Variants in DSCAML1 observed in about 807,000 individuals in gnomAD.
DSCAML1 encodes cell adhesion molecule DSCAML1.
DSCAML1 carries 38 observed loss-of-function variants against 200.5 expected under a neutral mutation model. The observed-to-expected ratio is 0.19, with a 90% CI of 0.15 to 0.25. The LOEUF is 0.25. Among genes scored for constraint, DSCAML1 ranks in the 10% least tolerant of loss-of-function variants. The probability of loss-of-function intolerance (pLI) is 1.00; values close to 1 mark genes in which losing one functional copy is unlikely to be tolerated. For synonymous variants in DSCAML1, 1,215 were observed against 1,165.0 expected (o/e 1.04, Z -0.87); for missense variants, 2,223 against 2,858.8 (o/e 0.78, Z 5.07).
chr11:117,525,423 T>A (rs995936219), intron 4 of DSCAML1, among the ~76,000 whole-genome samples: 1 of 150,736 alleles, frequency 6.6e-6, no homozygotes, highest in South Asian at 2.1e-4. Context: ...GGAGAGGGTG[T>A]GCATGAGAAC....
At chr11:117,453,573 A>G (rs2048320114) in intron 19 of DSCAML1, among the ~76,000 whole-genome samples, 1 of 152,028 alleles carries the variant, frequency 6.6e-6, no homozygotes, top group African/African-American at 2.4e-5. Context: ...CAAATACATC[A>G]TTGTCCTTTT....
In DSCAML1 at chr11:117,434,674, C is replaced by T. The variant is rs116071805; in HGVS notation, c.4876+970G>A. 7.4e-3 allele frequency among the ~76,000 whole-genome samples: 1,130 copies of T among 152,288 alleles called. 6 individuals carry two copies. Among genetic ancestry groups the T allele is most frequent in the African/African-American group, 0.026 (1,089 of 41,544 alleles). ...CCTTACACCCAGCCATCTATTCAGC[C>T]ATCCAGCCATCCTTCTATCTATACA... On this transcript the variant is annotated intron_variant, in intron 27 of 32. Coordinates refer to ENST00000651296, the MANE Select transcript of DSCAML1 (RefSeq NM_020693.4).
At chr11:117,645,289 A>G (rs2052499860) in intron 3 of DSCAML1, among the ~76,000 whole-genome samples, 1 of 152,128 alleles carries the variant, frequency 6.6e-6, no homozygotes, top group Non-Finnish European at 1.5e-5. Flanking sequence ...CTCCCACCCC[A>G]GCTTCTCCTC....
At chr11:117,433,510 T>G in intron 27 of DSCAML1, 39 bp from the exon 28 acceptor site, 1 of 1,606,030 alleles carries the variant, frequency 6.2e-7, no homozygotes. Flanking sequence ...TGGGTGAGAA[T>G]GAAGTTTGAA....
At chr11:117,519,855 A>C (rs2137313527) in intron 6 of DSCAML1, among the ~76,000 whole-genome samples, 1 of 152,260 alleles carries the variant, frequency 6.6e-6, no homozygotes, top group East Asian at 1.9e-4. Flanking sequence ...AAAGGAAGAC[A>C]AATGTTTGTC....
At chr11:117,671,811 T>C (rs1033203437) in intron 3 of DSCAML1, among the ~76,000 whole-genome samples, 2 of 152,082 alleles carry the variant, frequency 1.3e-5, no homozygotes, top group Non-Finnish European at 2.9e-5. Context: ...TGCAGGTGTT[T>C]AGGGTAAAAG....
At chr11:117,773,181 G>A (rs953572677) in intron 3 of DSCAML1, among the ~76,000 whole-genome samples, 1 of 152,158 alleles carries the variant, frequency 6.6e-6, no homozygotes, top group Non-Finnish European at 1.5e-5. Context: ...AAAGAGGCGT[G>A]GGAGAGCCAG....
chr11:117,491,065 T>C (rs1348045763), intron 11 of DSCAML1, among the ~76,000 whole-genome samples: 1 of 152,134 alleles, frequency 6.6e-6, no homozygotes, highest in African/African-American at 2.4e-5. Context: ...CAGTTGTGAA[T>C]ACCCAAAGGA....
rs1207228982 is a variant in DSCAML1, at chr11:117,769,304, AT to A, written c.511+7486del. 4.8e-4 allele frequency among the ~76,000 whole-genome samples: 11 copies of A among 22,956 alleles called. 2 individuals are homozygous for A. Among genetic ancestry groups the A allele is most frequent in the Middle Eastern group, 0.018 (1 of 56 alleles). 15.1% of individuals were successfully genotyped at this position (22,956 alleles called of 152,430 possible). A position where few individuals can be genotyped will look rare whatever the true frequency, so the allele number is the denominator to read the frequency against. On this transcript the variant is annotated intron_variant, in intron 3 of 32. Coordinates refer to ENST00000651296, the MANE Select transcript of DSCAML1 (RefSeq NM_020693.4). Reference sequence around the variant, plus strand: ...TTATATATTTTATATATTTATATATATTTTTATATAATATATATTTTATATA... The same window carrying A: ...TTATATATTTTATATATTTATATATATTTTATATAATATATATTTTATATA...
intron 3 of DSCAML1, among the ~76,000 whole-genome samples, chr11:117,627,292 T>A (rs2052068175): frequency 6.6e-6 from 1 of 152,194 alleles, no homozygotes; most frequent in Non-Finnish European, 1.5e-5. Context: ...CCGCCTCTTC[T>A]TCTCCCTCCT....
At chr11:117,582,205 C>A (rs1251378782) in intron 3 of DSCAML1, among the ~76,000 whole-genome samples, 1 of 152,212 alleles carries the variant, frequency 6.6e-6, no homozygotes, top group Non-Finnish European at 1.5e-5. Flanking sequence ...TCAGCTGCTG[C>A]TTTGTGGATG....
chr11:117,640,132 TC>T (rs1227477436), intron 3 of DSCAML1, among the ~76,000 whole-genome samples: 1 of 152,170 alleles, frequency 6.6e-6, no homozygotes, highest in Non-Finnish European at 1.5e-5. Flanking sequence ...AAGCCCCAGC[TC>T]AGGTCTCAGT....
chr11:117,541,194 CT>C (rs2050262731), intron 3 of DSCAML1, among the ~76,000 whole-genome samples: 1 of 152,204 alleles, frequency 6.6e-6, no homozygotes, highest in Admixed American at 6.5e-5. Context: ...TACTTCTGGC[CT>C]CATTCAGGTC....
chr11:117,795,384 A>C (rs1341869233), intron 1 of DSCAML1, among the ~76,000 whole-genome samples: 3 of 152,170 alleles, frequency 2.0e-5, no homozygotes, highest in Non-Finnish European at 4.4e-5. Flanking sequence ...ATGTAATTAA[A>C]GCTGCGAGCC....
chr11:117,516,921 T>C lies in DSCAML1; in HGVS notation c.1511-182A>G, dbSNP rs972360656. Among the ~76,000 whole-genome samples, 4 of 152,054 alleles carry C rather than the reference T, an allele frequency of 2.6e-5. No homozygotes were observed. In the South Asian group the frequency reaches 8.3e-4, roughly 32 times the overall value. On this transcript the variant is annotated intron_variant, in intron 7 of 32. Transcript: ENST00000651296. This position sits in a 1 kb window ranked among gnomAD's most constrained non-coding sequence, Gnocchi z 5.7. ...ACAAAGCTACAGACAGGGGCTGGAA[T>C]TGGGGGGTGCCCACAGTCTCTCCAG... is the stretch of plus-strand genomic sequence containing the variant.
rs2055203366 is a variant in DSCAML1 at position 117,780,037 on chromosome 11, A to T, written c.364+456T>A. ...TAGTGATACAGAGGTAGGTACTTGC[A>T]TCCACTTTGCAGATGGGAAAACTGA... On this transcript the variant is annotated intron_variant, in intron 2 of 32. Transcript: ENST00000651296. This position sits in a 1 kb window ranked among gnomAD's most constrained non-coding sequence, Gnocchi z 4.8. Among the ~76,000 whole-genome samples the T allele has an allele frequency of 6.6e-6, 1 of 151,778 alleles. No homozygotes were observed. Among genetic ancestry groups the T allele is most frequent in the Admixed American group, 6.6e-5 (1 of 15,248 alleles).
chr11:117,760,707 A>G (rs1057456544), intron 3 of DSCAML1, among the ~76,000 whole-genome samples: 3 of 152,182 alleles, frequency 2.0e-5, no homozygotes, highest in Non-Finnish European at 4.4e-5. Context: ...TCTTTAAGGA[A>G]TTTAAATTTT....
At position 117,518,796 on chromosome 11, in the gene DSCAML1, C is replaced by G; in HGVS notation, c.1214-34G>C. The G allele has an allele frequency of 6.3e-7, 1 of 1,589,114 alleles. No homozygotes were observed. The highest frequency in any genetic ancestry group is 8.5e-7 in the Non-Finnish European group (1 of 1,172,176). ...AGCGAGAAGCCCCCTTCAGGGTCACCAAGCCATGGAGAGACGGTCCCCCCA... is the reference window on the plus strand; with the variant it reads ...AGCGAGAAGCCCCCTTCAGGGTCACGAAGCCATGGAGAGACGGTCCCCCCA... On this transcript the variant is annotated intron_variant, in intron 6 of 32. Transcript: ENST00000651296. The surrounding 1 kb of genome is among the most constrained non-coding windows in gnomAD (Gnocchi z 6.3).
At chr11:117,568,378 A>C (rs1409472740) in intron 3 of DSCAML1, among the ~76,000 whole-genome samples, 1 of 152,184 alleles carries the variant, frequency 6.6e-6, no homozygotes, top group Non-Finnish European at 1.5e-5. Context: ...GGCCAGGGCA[A>C]TCAGGCAGGA....
Sources: gnomAD v4.1 joint callset for allele counts (sites outside exome capture counted in the v4.1 genomes callset) on GRCh38, gnomAD v4.1.1 for gene constraint, Gnocchi (gnomAD v3.1) non-coding constraint, MANE v1.5 for transcripts, NCBI Gene and HGNC (gene_info 2026-07-23, HGNC 2026-07-21) for gene names.